UNC5C: variants seen among roughly 807,000 people sequenced by gnomAD.
UNC5C encodes the protein netrin receptor UNC5C.
In UNC5C, 47 loss-of-function variants were observed where a neutral mutation model predicts 99.8. That is an observed-to-expected ratio of 0.47 (90% CI 0.37 to 0.60). The LOEUF (loss-of-function observed/expected upper bound fraction) is 0.60. UNC5C is among the 20% of genes least tolerant of loss of function. UNC5C has a pLI of 0.00. For synonymous variants in UNC5C, 487 were observed against 452.2 expected (o/e 1.08, Z -0.98); for missense variants, 1,062 against 1,165.9 (o/e 0.91, Z 1.30).
At chr4:95,503,414 C>T (rs1475920256) in intron 1 of UNC5C, among the ~76,000 whole-genome samples, 1 of 152,090 alleles carries the variant, frequency 6.6e-6, no homozygotes, top group African/African-American at 2.4e-5. Context: ...GACAATATGT[C>T]ACCCATTTTC....
At chr4:95,314,134 G>A (rs1742382496) in intron 2 of UNC5C, among the ~76,000 whole-genome samples, 1 of 152,144 alleles carries the variant, frequency 6.6e-6, no homozygotes, top group African/African-American at 2.4e-5. Flanking sequence ...CTTAGGAGGG[G>A]AGAAGAGCAC....
chr4:95,514,241 C>T (rs999224584), intron 1 of UNC5C, among the ~76,000 whole-genome samples: 9 of 152,054 alleles, frequency 5.9e-5, no homozygotes, highest in Non-Finnish European at 1.2e-4. Context: ...GGAATAGTAA[C>T]AAAATTTGTA....
At chr4:95,302,524 T>A (rs886954191) in intron 2 of UNC5C, among the ~76,000 whole-genome samples, 3 of 152,202 alleles carry the variant, frequency 2.0e-5, no homozygotes, top group African/African-American at 4.8e-5. Context: ...ACATTCATTC[T>A]TCAATGTGCC....
intron 1 of UNC5C, among the ~76,000 whole-genome samples, chr4:95,409,487 T>C (rs1394164314): frequency 6.6e-6 from 1 of 152,246 alleles, no homozygotes; most frequent in East Asian, 1.9e-4. Flanking sequence ...ATTTTTCAAA[T>C]GTGCATTAAT....
chr4:95,461,761 A>G (rs567384779), intron 1 of UNC5C, among the ~76,000 whole-genome samples: 1 of 152,250 alleles, frequency 6.6e-6, no homozygotes, highest in East Asian at 1.9e-4. Context: ...CACCAACCGA[A>G]CCTGGTAGCA....
intron 1 of UNC5C, among the ~76,000 whole-genome samples, chr4:95,443,557 A>G (rs1747011534): frequency 6.6e-6 from 1 of 152,186 alleles, no homozygotes; most frequent in Non-Finnish European, 1.5e-5. Context: ...GGAATCTAGG[A>G]CCTTTGAGAA....
chr4:95,332,491 G>A (rs77613450), intron 2 of UNC5C, among the ~76,000 whole-genome samples: 148,897 of 150,778 alleles, frequency 0.99, 73,528 homozygotes, highest in East Asian at 1. Context: ...TATTTAATAC[G>A]TGGTGCTGGG....
chr4:95,216,747 G>T (rs553912422), intron 9 of UNC5C, among the ~76,000 whole-genome samples: 1 of 152,232 alleles, frequency 6.6e-6, no homozygotes, highest in Non-Finnish European at 1.5e-5. Context: ...AGGTCAAAGC[G>T]TTTCTAGTTA....
At chr4:95,241,686 A>G (rs1739334716) in intron 7 of UNC5C, among the ~76,000 whole-genome samples, 1 of 152,188 alleles carries the variant, frequency 6.6e-6, no homozygotes, top group African/African-American at 2.4e-5. Context: ...GAAAAGAGAT[A>G]GTAAACTGTG....
At chr4:95,170,377 A>G (rs1216364265) in intron 14 of UNC5C, 45 bp from the exon 15 acceptor site, 2 of 1,594,500 alleles carry the variant, frequency 1.3e-6, no homozygotes, top group East Asian at 2.2e-5. Flanking sequence ...TTCTGAGGAC[A>G]AAAGCAATCT....
intron 3 of UNC5C, among the ~76,000 whole-genome samples, chr4:95,294,111 G>T (rs1741586514): frequency 6.6e-6 from 1 of 152,190 alleles, no homozygotes; most frequent in African/African-American, 2.4e-5. Context: ...TGAAATGATA[G>T]TTTAGACATA....
chr4:95,318,950 T>A (rs543143925), intron 2 of UNC5C, among the ~76,000 whole-genome samples: 8 of 152,322 alleles, frequency 5.3e-5, no homozygotes, highest in Non-Finnish European at 1.0e-4. Flanking sequence ...TCGTAAAGCA[T>A]ACTCGTTTTC....
rs75616401 is a variant in UNC5C at position 95,241,706 on chromosome 4, G to A, written c.1108+723C>T. ...GAGATAGTAAACTGTGTACATCTGA[G>A]GGCTCCTCAATAAAGGGGTCAGAGT... is the stretch of plus-strand genomic sequence containing the variant. On this transcript the variant is annotated intron_variant, in intron 7 of 15. Coordinates refer to ENST00000453304, the MANE Select transcript of UNC5C (RefSeq NM_003728.4). Among the ~76,000 whole-genome samples the A allele has an allele frequency of 2.0e-3, 298 of 152,062 alleles. 2 individuals are homozygous for A. Among genetic ancestry groups the A allele is most frequent in the African/African-American group, 6.9e-3 (287 of 41,470 alleles).
intron 1 of UNC5C, among the ~76,000 whole-genome samples, chr4:95,412,466 G>A (rs1023821879): frequency 6.6e-6 from 1 of 152,124 alleles, no homozygotes; most frequent in Non-Finnish European, 1.5e-5. Flanking sequence ...TGAAGGAACT[G>A]ACCTTTATCT....
At chr4:95,354,479 A>ATATATATTTTTTTTTT in intron 1 of UNC5C, among the ~76,000 whole-genome samples, 290 of 110,288 alleles carry the variant, frequency 2.6e-3, no homozygotes, top group Non-Finnish European at 4.3e-3. Flanking sequence ...ATATATATAT[A>ATATATATTTTTTTTTT]TTTTTTTTTT....
In UNC5C at chr4:95,206,766, C is replaced by G; in HGVS notation, c.1764G>C (p.Leu588Phe). The change falls in exon 11 of 16, where the codon TTG (leucine) becomes TTC (phenylalanine). Residue 588 changes from leucine (L) to phenylalanine (F), a missense_variant. Coordinates refer to ENST00000453304, the MANE Select transcript of UNC5C (RefSeq NM_003728.4). ...RPPMDDSQTL[L>F]TPVVSCGPPG... ...GGGGCCCACAGCTCACCACAGGGGTCAAAAGTGTCTGAGAGTCATCCATGG... is the reference window on the plus strand; with the variant it reads ...GGGGCCCACAGCTCACCACAGGGGTGAAAAGTGTCTGAGAGTCATCCATGG... The G allele has an allele frequency of 6.2e-7, 1 of 1,611,068 alleles. No individual in the cohort carries two copies. The highest frequency in any genetic ancestry group is 8.5e-7 in the Non-Finnish European group (1 of 1,178,816).
intron 12 of UNC5C, among the ~76,000 whole-genome samples, chr4:95,196,998 A>T (rs1467059829): frequency 1.5e-3 from 46 of 31,138 alleles, no homozygotes; most frequent in African/African-American, 8.6e-3. Flanking sequence ...ATATATATTT[A>T]TATATTATAT....
chr4:95,476,267 G>C (rs1327033245), intron 1 of UNC5C, among the ~76,000 whole-genome samples: 1 of 151,912 alleles, frequency 6.6e-6, no homozygotes. Context: ...TCAGATCTCT[G>C]ATACATGGAT....
chr4:95,540,664 TG>T (rs1182152469), intron 1 of UNC5C, among the ~76,000 whole-genome samples: 1 of 152,206 alleles, frequency 6.6e-6, no homozygotes, highest in African/African-American at 2.4e-5. Flanking sequence ...GGCTACAATG[TG>T]TATATTTGCC....
Sources: gnomAD v4.1 joint callset for allele counts (sites outside exome capture counted in the v4.1 genomes callset) on GRCh38, gnomAD v4.1.1 for gene constraint, MANE v1.5 for transcripts, NCBI Gene and HGNC (gene_info 2026-07-23, HGNC 2026-07-21) for gene names.